The following PLEKHG1 variants were observed in gnomAD, a reference collection of about 807,000 sequenced individuals.
PLEKHG1 encodes the protein pleckstrin homology and RhoGEF domain containing G1, also known as pleckstrin homology domain-containing family G member 1.
Under a neutral mutation model 100.8 loss-of-function variants are expected in PLEKHG1, and 44 were observed. The ratio of observed to expected loss-of-function variants is 0.44; its 90% confidence interval spans 0.34 to 0.56. PLEKHG1 has a LOEUF of 0.56. Among genes scored for constraint, PLEKHG1 ranks in the 20% least tolerant of loss-of-function variants. The pLI is 0.01. For missense variants in PLEKHG1, 1,545 were observed against 1,720.9 expected (o/e 0.90, Z 1.81); for synonymous variants, 640 against 662.5 (o/e 0.97, Z 0.52).
chr6:150,678,587 G>C (rs1779837583), intron 3 of PLEKHG1, among the ~76,000 whole-genome samples: 1 of 152,224 alleles, frequency 6.6e-6, no homozygotes, highest in African/African-American at 2.4e-5. Context: ...GATTAATCCA[G>C]GTCAGTCAGC....
At chr6:150,802,714 G>T (rs1786784725) in intron 6 of PLEKHG1, among the ~76,000 whole-genome samples, 1 of 149,134 alleles carries the variant, frequency 6.7e-6, no homozygotes, top group African/African-American at 2.5e-5. Context: ...AGGCTGGAGT[G>T]AAGTGGCACA....
chr6:150,747,896 C>CAA (rs753243349), intron 2 of PLEKHG1, among the ~76,000 whole-genome samples: 8 of 122,532 alleles, frequency 6.5e-5, no homozygotes, highest in Non-Finnish European at 8.7e-5. Context: ...AACTCCGTCT[C>CAA]AAAAAAAAAA....
chr6:150,628,134 A>C (rs527675943), intron 1 of PLEKHG1, among the ~76,000 whole-genome samples: 10 of 152,146 alleles, frequency 6.6e-5, no homozygotes, highest in Non-Finnish European at 1.5e-4. Context: ...CTCCAAGTGA[A>C]TGTTTTAAAG....
At chr6:150,773,825 TA>T (rs888081720) in intron 3 of PLEKHG1, among the ~76,000 whole-genome samples, 1 of 152,236 alleles carries the variant, frequency 6.6e-6, no homozygotes, top group African/African-American at 2.4e-5. Flanking sequence ...ATCCCATCCA[TA>T]AACATGTCTT....
exon 16 of PLEKHG1, chr6:150,840,458 C>T (rs1383392090): frequency 1.9e-6 from 3 of 1,614,178 alleles, no homozygotes; most frequent in Admixed American, 1.7e-5. Flanking sequence ...TCTCAGATCT[C>T]ACACTCCAAG....
At chr6:150,745,456 G>T (rs1253429441) in intron 2 of PLEKHG1, among the ~76,000 whole-genome samples, 1 of 152,176 alleles carries the variant, frequency 6.6e-6, no homozygotes, top group African/African-American at 2.4e-5. Context: ...GCCGAGGCAG[G>T]TGGTTCACTT....
chr6:150,624,989 GAGATCAGCCTGGCCAA>G (rs1161180680), intron 1 of PLEKHG1: 1 of 152,116 alleles, frequency 6.6e-6, no homozygotes, highest in Admixed American at 6.5e-5. Context: ...TCAGAAGTTT[GAGATCAGCCTGGCCAA>G]CATGGCAAAA....
chr6:150,828,228 C>T (rs1776722954), intron 14 of PLEKHG1: 1 of 1,613,676 alleles, frequency 6.2e-7, no homozygotes, highest in South Asian at 1.1e-5. Context: ...GCGGCATGAA[C>T]CTGACAAGAG....
intron 2 of PLEKHG1, among the ~76,000 whole-genome samples, chr6:150,759,178 G>A (rs1342929136): frequency 1.3e-5 from 2 of 152,210 alleles, no homozygotes; most frequent in Non-Finnish European, 2.9e-5. Context: ...GAGAACTCAT[G>A]AGCCAGTCTT....
At chr6:150,742,422 G>T (rs1035997977) in intron 2 of PLEKHG1, among the ~76,000 whole-genome samples, 1 of 152,040 alleles carries the variant, frequency 6.6e-6, no homozygotes, top group Non-Finnish European at 1.5e-5. Flanking sequence ...AAAATTAGCC[G>T]AGTGTGGTGG....
At chr6:150,757,920 T>A (rs1156657144) in intron 2 of PLEKHG1, among the ~76,000 whole-genome samples, 1 of 152,142 alleles carries the variant, frequency 6.6e-6, no homozygotes, top group African/African-American at 2.4e-5. Flanking sequence ...GTTGTTCAGC[T>A]CCCACTTACA....
At chr6:150,678,327 A>T (rs1347239308) in intron 3 of PLEKHG1, among the ~76,000 whole-genome samples, 1 of 151,896 alleles carries the variant, frequency 6.6e-6, no homozygotes, top group Non-Finnish European at 1.5e-5. Flanking sequence ...GTGTTTTAAA[A>T]CTATTCCCAA....
rs181404487 is a variant in PLEKHG1, at chr6:150,655,510, C to A, written c.-99+4724C>A. 1.1e-3 allele frequency among the ~76,000 whole-genome samples: 161 copies of A among 151,974 alleles called. 1 individual carries two copies. Among genetic ancestry groups the A allele is most frequent in the African/African-American group, 3.6e-3 (148 of 41,426 alleles). ...GATCACAAGGTCAGGAGATCAAGAC[C>A]ATCCTGGCTAACACGATGAAACCCC... On this transcript the variant is annotated intron_variant, in intron 3 of 3. Transcript: ENST00000367326.
chr6:150,732,162 T>G (rs1215358167), intron 1 of PLEKHG1, among the ~76,000 whole-genome samples: 1 of 152,154 alleles, frequency 6.6e-6, no homozygotes, highest in Admixed American at 6.5e-5. Flanking sequence ...AGACGAGGTT[T>G]CACCATTAAG....
rs542315069 is a variant in PLEKHG1 at position 150,814,707 on chromosome 6, T to G, written c.1279-3476T>G. Among the ~76,000 whole-genome samples, 38 of 152,248 alleles carry G rather than the reference T, an allele frequency of 2.5e-4. No individual in the cohort carries two copies. In the South Asian group the frequency reaches 7.1e-3, roughly 28 times the overall value. On this transcript the variant is annotated intron_variant, in intron 10 of 15. Transcript: ENST00000358517. ...TTCCCACTGGCAATAAAAACACCTT[T>G]TTTTGTTTTGTTTTGTTTTGAAACA...
At chr6:150,830,855 T>C (rs1356102987) in exon 15 of PLEKHG1, 1 of 1,614,168 alleles carries the variant, frequency 6.2e-7, no homozygotes. Context: ...AGATAGCACT[T>C]CTAGTCGCCC....
chr6:150,611,006 C>G (rs373723570), intron 1 of PLEKHG1, among the ~76,000 whole-genome samples: 31 of 152,252 alleles, frequency 2.0e-4, no homozygotes, highest in East Asian at 1.5e-3. Context: ...GCAAACGTAC[C>G]TTCTGATATA....
At chr6:150,703,614 AC>A (rs796282254) in intron 3 of PLEKHG1, among the ~76,000 whole-genome samples, 6 of 135,754 alleles carry the variant, frequency 4.4e-5, no homozygotes, top group East Asian at 2.0e-4. Context: ...AAAAAAAAAA[AC>A]AAAACAACTT....
At chr6:150,628,577 C>CACACATA (rs3046186) in intron 1 of PLEKHG1, among the ~76,000 whole-genome samples, 2 of 147,314 alleles carry the variant, frequency 1.4e-5, no homozygotes, top group South Asian at 2.1e-4. Flanking sequence ...CACACACACA[C>CACACATA]CCCGTCCTTG....
Sources: gnomAD v4.1 joint callset for allele counts (sites outside exome capture counted in the v4.1 genomes callset) on GRCh38, gnomAD v4.1.1 for gene constraint, MANE v1.5 for transcripts, NCBI Gene and HGNC (gene_info 2026-07-23, HGNC 2026-07-21) for gene names.